DLGAP2: variants seen among roughly 807,000 people sequenced by gnomAD.
DLGAP2 encodes the protein DLG associated protein 2.
A neutral mutation model predicts 100.3 loss-of-function variants in DLGAP2; 26 were observed. The observed-to-expected ratio is 0.26, with a 90% CI of 0.19 to 0.36. The LOEUF (loss-of-function observed/expected upper bound fraction) is 0.36, where lower values mean the gene tolerates loss of function less well. Ranked by LOEUF, DLGAP2 falls within the 10% of genes least tolerant of loss-of-function variation. DLGAP2 has a pLI of 1.00. For synonymous variants in DLGAP2, 886 were observed against 630.1 expected (o/e 1.41, Z -6.08); for missense variants, 1,858 against 1,453.2 (o/e 1.28, Z -4.53).
intron 6 of DLGAP2, among the ~76,000 whole-genome samples, chr8:1,581,262 A>T (rs1413607741): frequency 6.7e-6 from 1 of 150,302 alleles, no homozygotes; most frequent in Non-Finnish European, 1.5e-5. Context: ...ACCACAGTCA[A>T]ACTACCAGAA....
intron 13 of DLGAP2, among the ~76,000 whole-genome samples, chr8:1,695,644 G>C (rs541648355): frequency 1.1e-4 from 16 of 151,902 alleles, no homozygotes; most frequent in African/African-American, 3.9e-4. Context: ...ACTACAGAAA[G>C]AGGGGCACAG....
intron 2 of DLGAP2, among the ~76,000 whole-genome samples, chr8:1,049,394 C>A (rs1802607990): frequency 6.6e-6 from 1 of 152,070 alleles, no homozygotes; most frequent in Non-Finnish European, 1.5e-5. Context: ...ACCAGTGCCA[C>A]CTGGGTAGGA....
At chr8:1,544,980 C>G (rs539688993) in intron 4 of DLGAP2, among the ~76,000 whole-genome samples, 5 of 152,168 alleles carry the variant, frequency 3.3e-5, no homozygotes, top group African/African-American at 4.8e-5. Context: ...ATTCACCCAT[C>G]TCAGCCGCCC....
intron 1 of DLGAP2, among the ~76,000 whole-genome samples, chr8:811,115 G>C (rs1185913240): frequency 1.3e-5 from 2 of 152,218 alleles, no homozygotes; most frequent in Non-Finnish European, 2.9e-5. Context: ...GACCTGCCTG[G>C]TGCAGCCTGG....
At chr8:1,455,098 G>A (rs1242133273) in intron 3 of DLGAP2, among the ~76,000 whole-genome samples, 1 of 152,252 alleles carries the variant, frequency 6.6e-6, no homozygotes, top group Non-Finnish European at 1.5e-5. Context: ...GCTGCCGTGA[G>A]GGGTGGTTTG....
intron 2 of DLGAP2, among the ~76,000 whole-genome samples, chr8:1,189,323 C>A (rs1797585981): frequency 6.6e-6 from 1 of 152,340 alleles, no homozygotes; most frequent in East Asian, 1.9e-4. Context: ...GACCCAGGAG[C>A]CCATCGTAGG....
chr8:1,454,144 G>T (rs1180237398), intron 3 of DLGAP2, among the ~76,000 whole-genome samples: 1 of 152,202 alleles, frequency 6.6e-6, no homozygotes, highest in Non-Finnish European at 1.5e-5. Flanking sequence ...GGCTGGGGAT[G>T]GGGTTCGGGT....
At chr8:1,440,980 C>G (rs1797813626) in intron 3 of DLGAP2, among the ~76,000 whole-genome samples, 1 of 152,156 alleles carries the variant, frequency 6.6e-6, no homozygotes, top group African/African-American at 2.4e-5. Context: ...GAAACCCTCC[C>G]AGCACGGGTT....
chr8:980,340 T>A (rs1012893723), intron 2 of DLGAP2, among the ~76,000 whole-genome samples: 2 of 152,210 alleles, frequency 1.3e-5, no homozygotes, highest in African/African-American at 4.8e-5. Flanking sequence ...TTTGGGCTAT[T>A]GATGGCTGTA....
chr8:865,597 C>G (rs894343509), intron 1 of DLGAP2, among the ~76,000 whole-genome samples: 7 of 152,206 alleles, frequency 4.6e-5, no homozygotes, highest in African/African-American at 1.4e-4. Flanking sequence ...GCTCACCTCT[C>G]TCCAGCATAT....
chr8:1,517,381 C>T (rs1800430037), intron 4 of DLGAP2, among the ~76,000 whole-genome samples: 1 of 151,650 alleles, frequency 6.6e-6, no homozygotes, highest in Non-Finnish European at 1.5e-5. Flanking sequence ...GAGGGAGGGG[C>T]CGTGGTGAGG....
chr8:1,595,758 C>G (rs1796437920), intron 6 of DLGAP2, among the ~76,000 whole-genome samples: 1 of 151,744 alleles, frequency 6.6e-6, no homozygotes, highest in East Asian at 1.9e-4. Flanking sequence ...CCCAAATTCA[C>G]CACTACCCTG....
Position 1,691,407 on chromosome 8 carries a change from C to T in DLGAP2, c.2705-128C>T, listed in dbSNP as rs184261034. The T allele has an allele frequency of 1.2e-4, 92 of 742,550 alleles. No homozygotes were observed. In the African/African-American group the frequency reaches 1.4e-3, roughly 12 times the overall value. 46.0% of individuals were successfully genotyped at this position (742,550 alleles called of 1,614,324 possible). A position where few individuals can be genotyped will look rare whatever the true frequency, so the allele number is the denominator to read the frequency against. On this transcript the variant is annotated intron_variant, in intron 12 of 14. Coordinates refer to ENST00000637795, the MANE Select transcript of DLGAP2 (RefSeq NM_001346810.2). ...GGCACGAGTCACCAGCGAACACGCT[C>T]GGCACGATGAAGTCGTCAGTTTTCA...
At chr8:1,213,574 C>T (rs1424301007) in intron 2 of DLGAP2, among the ~76,000 whole-genome samples, 1 of 152,152 alleles carries the variant, frequency 6.6e-6, no homozygotes. Flanking sequence ...GGTAGGTTTT[C>T]TGCGGCATCT....
intron 4 of DLGAP2, among the ~76,000 whole-genome samples, chr8:1,527,496 G>C (rs1036367010): frequency 6.6e-6 from 1 of 152,250 alleles, no homozygotes; most frequent in African/African-American, 2.4e-5. Flanking sequence ...TCTGGTCTTT[G>C]TCAGACTTTA....
At chr8:951,536 C>T (rs1563110865) in intron 2 of DLGAP2, among the ~76,000 whole-genome samples, 1 of 152,220 alleles carries the variant, frequency 6.6e-6, no homozygotes, top group African/African-American at 2.4e-5. Flanking sequence ...CAGGCGTGAG[C>T]CACTGCACCT....
chr8:1,439,494 G>T (rs1797764139), intron 3 of DLGAP2, among the ~76,000 whole-genome samples: 1 of 152,200 alleles, frequency 6.6e-6, no homozygotes, highest in Non-Finnish European at 1.5e-5. Flanking sequence ...CCAGGGCTCA[G>T]CCCTGTCATC....
rs796620632 is a variant in DLGAP2 at position 1,241,200 on chromosome 8, A to C, written c.74-17651A>C. ...CGCCGTGTCTCGTTCTCTCACATGG[A>C]GCCATGTCTAATTCTCTCACATGGC... is the stretch of plus-strand genomic sequence containing the variant. On this transcript the variant is annotated intron_variant, in intron 2 of 14. Coordinates refer to ENST00000637795, the MANE Select transcript of DLGAP2 (RefSeq NM_001346810.2). 5.7e-3 allele frequency among the ~76,000 whole-genome samples: 65 copies of C among 11,458 alleles called. 1 individual carries two copies. The highest frequency in any genetic ancestry group is 7.6e-3 in the Admixed American group (6 of 788). The allele number at this position is 11,458 out of a possible 152,430, so 7.5% of individuals were successfully genotyped here. A position where few individuals can be genotyped will look rare whatever the true frequency, so the allele number is the denominator to read the frequency against.
chr8:1,512,117 C>T (rs377479739), intron 4 of DLGAP2, among the ~76,000 whole-genome samples: 133 of 152,332 alleles, frequency 8.7e-4, no homozygotes, highest in African/African-American at 2.9e-3. Context: ...GCCTCCCTAA[C>T]GCGTCTGGTC....
Sources: allele counts gnomAD v4.1 joint callset (sites outside exome capture counted in the v4.1 genomes callset), GRCh38; gene constraint gnomAD v4.1.1; transcripts MANE v1.5; gene names NCBI Gene and HGNC (gene_info 2026-07-23, HGNC 2026-07-21).